Variants in AKAP6 observed in about 807,000 individuals in gnomAD.
The protein encoded by AKAP6 is A-kinase anchor protein 6.
AKAP6 carries 58 observed loss-of-function variants against 188.5 expected under a neutral mutation model. The observed-to-expected ratio is 0.31, with a 90% CI of 0.25 to 0.38. AKAP6 has a LOEUF of 0.38. Among genes scored for constraint, AKAP6 ranks in the 10% least tolerant of loss-of-function variants. The probability of loss-of-function intolerance (pLI) is 1.00; values close to 1 mark genes in which losing one functional copy is unlikely to be tolerated. For missense variants in AKAP6, 2,710 were observed against 2,740.0 expected (o/e 0.99, Z 0.24); for synonymous variants, 989 against 998.6 (o/e 0.99, Z 0.18).
chr14:32,691,371 C>A (rs1460816454), intron 8 of AKAP6, among the ~76,000 whole-genome samples: 1 of 152,102 alleles, frequency 6.6e-6, no homozygotes, highest in Non-Finnish European at 1.5e-5. Flanking sequence ...GTAGCTGGAG[C>A]TTTTCCTGGA....
At chr14:32,412,823 G>A (rs1409177549) in intron 1 of AKAP6, among the ~76,000 whole-genome samples, 2 of 152,180 alleles carry the variant, frequency 1.3e-5, no homozygotes, top group African/African-American at 4.8e-5. Flanking sequence ...TCAGCAACCT[G>A]CCTTGGTCTA....
chr14:32,584,480 C>A (rs995948465), intron 5 of AKAP6, among the ~76,000 whole-genome samples: 1 of 152,140 alleles, frequency 6.6e-6, no homozygotes, highest in Admixed American at 6.5e-5. Context: ...ACTGAAGATG[C>A]AAAACCATGC....
chr14:32,334,063 A>G (rs1314700164), intron 1 of AKAP6, among the ~76,000 whole-genome samples: 1 of 152,072 alleles, frequency 6.6e-6, no homozygotes, highest in Non-Finnish European at 1.5e-5. Flanking sequence ...TCTCGAAACA[A>G]TCATATTGAC....
In AKAP6 at chr14:32,602,787, G is replaced by T. The variant is rs552958755; in HGVS notation, c.2730+1995G>T. On this transcript the variant is annotated intron_variant, in intron 7 of 13. Transcript: ENST00000280979. ...GATGGAGAAAAGGAGGGCAAAGAGA[G>T]GTTAGGTAACTTCCTTAAGGTCGCA... 3.9e-5 allele frequency among the ~76,000 whole-genome samples: 6 copies of T among 152,296 alleles called. No homozygotes were observed. In the South Asian group the frequency reaches 1.2e-3, roughly 32 times the overall value.
intron 7 of AKAP6, among the ~76,000 whole-genome samples, chr14:32,608,015 C>T (rs1042953930): frequency 4.6e-5 from 7 of 152,068 alleles, no homozygotes; most frequent in African/African-American, 7.2e-5. Context: ...AGTTTGTTAT[C>T]GAATCCAATA....
intron 1 of AKAP6, among the ~76,000 whole-genome samples, chr14:32,356,852 C>T (rs1039775878): frequency 1.7e-4 from 26 of 152,174 alleles, no homozygotes; most frequent in African/African-American, 6.3e-4. Context: ...CTAATTTGTA[C>T]TCATCTATCA....
Position 32,822,222 on chromosome 14 carries a change from A to T in AKAP6, c.4409A>T (p.Tyr1470Phe), listed in dbSNP as rs771824740. The change falls in exon 13 of 14, where the codon TAC becomes TTC. Residue 1470 changes from tyrosine (Y) to phenylalanine (F), a missense_variant. By Grantham distance (22) the Tyr-to-Phe change is conservative. Coordinates refer to ENST00000280979, the MANE Select transcript of AKAP6 (RefSeq NM_004274.5). ...CATGATGTGTTTACATTTTATGATTACTCATACCTCCAAGGCTCAAAACTC... is the reference window on the plus strand; with the variant it reads ...CATGATGTGTTTACATTTTATGATTTCTCATACCTCCAAGGCTCAAAACTC... ...GKHDVFTFYD[Y>F]SYLQGSKLKL... 2 of 1,613,910 alleles carry T rather than the reference A, an allele frequency of 1.2e-6. No individual in the cohort carries two copies. The highest frequency in any genetic ancestry group is 2.2e-5 in the South Asian group (2 of 91,078).
In AKAP6 at chr14:32,546,304, A is replaced by T; in HGVS notation, c.1651A>T (p.Thr551Ser). ...IEGPQTNSAS[T>S]SSLEPCNQRS... ...GGGGCCACAAACAAATTCTGCTTCC[A>T]CATCCTCACTTGAGCCTTGTAATCA... Residue 551 changes from threonine (T) to serine (S), a missense_variant, in exon 4 of 14, where the codon ACA (threonine) becomes TCA (serine). Coordinates refer to ENST00000280979, the MANE Select transcript of AKAP6 (RefSeq NM_004274.5). The T allele has an allele frequency of 6.2e-7, 1 of 1,614,204 alleles. No homozygotes were observed. Among genetic ancestry groups the T allele is most frequent in the Non-Finnish European group, 8.5e-7 (1 of 1,180,030 alleles).
At chr14:32,587,584 G>A (rs991672691) in intron 5 of AKAP6, among the ~76,000 whole-genome samples, 1 of 152,188 alleles carries the variant, frequency 6.6e-6, no homozygotes, top group Non-Finnish European at 1.5e-5. Context: ...TCAGGGCTAG[G>A]TGGGGGTAGT....
intron 1 of AKAP6, among the ~76,000 whole-genome samples, chr14:32,346,091 T>C (rs566528511): frequency 1.3e-5 from 2 of 152,316 alleles, no homozygotes; most frequent in East Asian, 3.9e-4. Flanking sequence ...TCCCCCTTTA[T>C]GATGAGTCCC....
chr14:32,738,108 C>G (rs2031511396), intron 11 of AKAP6, among the ~76,000 whole-genome samples: 3 of 152,110 alleles, frequency 2.0e-5, no homozygotes, highest in African/African-American at 7.2e-5. Context: ...GGAATGAACA[C>G]ACTCTGATAA....
At chr14:32,613,843 C>T (rs1335871065) in intron 7 of AKAP6, among the ~76,000 whole-genome samples, 1 of 152,158 alleles carries the variant, frequency 6.6e-6, no homozygotes. Flanking sequence ...GGCACCACTA[C>T]CCAGCTTTTT....
intron 2 of AKAP6, among the ~76,000 whole-genome samples, chr14:32,511,337 T>A (rs1162492984): frequency 6.6e-6 from 1 of 152,028 alleles, no homozygotes; most frequent in Admixed American, 6.6e-5. Context: ...TTTAATTCAT[T>A]CTGTTTACAG....
At chr14:32,617,514 G>A (rs966666733) in intron 7 of AKAP6, among the ~76,000 whole-genome samples, 10 of 152,160 alleles carry the variant, frequency 6.6e-5, no homozygotes, top group African/African-American at 2.4e-4. Flanking sequence ...TCTGCACACT[G>A]CAATGCTCAG....
At chr14:32,462,455 G>T (rs1213916879) in intron 2 of AKAP6, among the ~76,000 whole-genome samples, 1 of 152,016 alleles carries the variant, frequency 6.6e-6, no homozygotes, top group Non-Finnish European at 1.5e-5. Flanking sequence ...TTTCAACCTA[G>T]AATTTCACAC....
intron 1 of AKAP6, among the ~76,000 whole-genome samples, chr14:32,389,128 A>G (rs1215299055): frequency 6.6e-6 from 1 of 152,092 alleles, no homozygotes; most frequent in Non-Finnish European, 1.5e-5. Flanking sequence ...CTGTTGCTTT[A>G]AAGTTTGTTT....
At chr14:32,620,529 G>T (rs1385833303) in intron 7 of AKAP6, among the ~76,000 whole-genome samples, 1 of 152,062 alleles carries the variant, frequency 6.6e-6, no homozygotes, top group Non-Finnish European at 1.5e-5. Context: ...TGATCATGAT[G>T]AGTTATCTTT....
chr14:32,692,280 T>C (rs1170874358), intron 8 of AKAP6, among the ~76,000 whole-genome samples: 4 of 152,176 alleles, frequency 2.6e-5, no homozygotes, highest in African/African-American at 7.2e-5. Context: ...AACAGTTCAA[T>C]AGATATAAAT....
At chr14:32,564,768 G>T (rs1395749746) in intron 4 of AKAP6, among the ~76,000 whole-genome samples, 1 of 152,206 alleles carries the variant, frequency 6.6e-6, no homozygotes, top group African/African-American at 2.4e-5. Flanking sequence ...AGTACTTCCT[G>T]TTAGAACATC....
Sources: gnomAD v4.1 joint callset for allele counts (sites outside exome capture counted in the v4.1 genomes callset) on GRCh38, gnomAD v4.1.1 for gene constraint, MANE v1.5 for transcripts, NCBI Gene and HGNC (gene_info 2026-07-23, HGNC 2026-07-21) for gene names.